The following FARP1 variants were observed in gnomAD, a reference collection of about 807,000 sequenced individuals.
The protein encoded by FARP1 is FERM, ARHGEF and pleckstrin domain-containing protein 1.
FARP1 carries 52 observed loss-of-function variants against 128.8 expected under a neutral mutation model. That is an observed-to-expected ratio of 0.40 (90% CI 0.32 to 0.51). The LOEUF (loss-of-function observed/expected upper bound fraction) is 0.51. Among genes scored for constraint, FARP1 ranks in the 20% least tolerant of loss-of-function variants. FARP1 has a pLI of 0.45. For synonymous variants in FARP1, 580 were observed against 551.8 expected (o/e 1.05, Z -0.72); for missense variants, 1,333 against 1,367.9 (o/e 0.97, Z 0.40).
At chr13:98,243,296 G>A (rs1460319244) in intron 2 of FARP1, among the ~76,000 whole-genome samples, 2 of 152,140 alleles carry the variant, frequency 1.3e-5, no homozygotes. Flanking sequence ...ATACCAAAGC[G>A]TGGTGCATTG....
At position 98,175,193 on chromosome 13, in the gene FARP1, TGA is replaced by T. The variant is rs369372128; in HGVS notation, c.-24+31704_-24+31705del. On this transcript the variant is annotated intron_variant, in intron 1 of 26. Coordinates refer to ENST00000319562, the MANE Select transcript of FARP1 (RefSeq NM_005766.4). The stretch of plus-strand genomic sequence containing the variant: ...GGAATTCACAGCCAAAGTTGATATA[TGA>T]GATAGGCTCTTATGAAAATTTACAT... 1.8e-4 allele frequency among the ~76,000 whole-genome samples: 27 copies of T among 152,314 alleles called. No individual in the cohort carries two copies. In the East Asian group the frequency reaches 4.6e-3, roughly 26 times the overall value.
rs557779534 is a variant in FARP1 at position 98,209,658 on chromosome 13, G to A, written c.-23-3562G>A. Among the ~76,000 whole-genome samples the A allele has an allele frequency of 4.2e-3, 633 of 150,868 alleles. 6 individuals carry two copies. Among genetic ancestry groups the A allele is most frequent in the African/African-American group, 0.015 (608 of 41,096 alleles). ...CTAAAAATACAACAATTAGCTGGGT[G>A]TGGTGGTGTGCGCCTGTGATCCCAG... On this transcript the variant is annotated intron_variant, in intron 1 of 26. Transcript: ENST00000319562.
At chr13:98,441,741 C>T (rs1423147880) in intron 24 of FARP1, among the ~76,000 whole-genome samples, 2 of 152,090 alleles carry the variant, frequency 1.3e-5, no homozygotes, top group Non-Finnish European at 2.9e-5. Context: ...TTTCAATGAC[C>T]CGCCTTAAGG....
At chr13:98,364,383 A>C (rs1309105224) in intron 3 of FARP1, among the ~76,000 whole-genome samples, 1 of 152,162 alleles carries the variant, frequency 6.6e-6, no homozygotes, top group Non-Finnish European at 1.5e-5. Context: ...ATGGAAATTT[A>C]ATGGGTGGAA....
intron 3 of FARP1, among the ~76,000 whole-genome samples, chr13:98,359,721 T>C (rs993832123): frequency 1.3e-5 from 2 of 152,242 alleles, no homozygotes; most frequent in Admixed American, 1.3e-4. Flanking sequence ...AGTAAGCGGT[T>C]GTGCAGGTTT....
At chr13:98,359,043 G>T (rs1213001797) in intron 3 of FARP1, among the ~76,000 whole-genome samples, 1 of 152,196 alleles carries the variant, frequency 6.6e-6, no homozygotes, top group East Asian at 1.9e-4. Flanking sequence ...TCCTATATGT[G>T]TTACAGTTGA....
chr13:98,294,334 A>C (rs1885570538), intron 2 of FARP1, among the ~76,000 whole-genome samples: 2 of 152,204 alleles, frequency 1.3e-5, no homozygotes, highest in African/African-American at 4.8e-5. Context: ...TTGATAAGAT[A>C]AGGGTTCAAC....
rs1302151925 is a variant in FARP1 at position 98,176,179 on chromosome 13, A to G, written c.-24+32687A>G. ...GAGTCTTTCTTATCTCTTTTTTCCT[A>G]AAAGAACAAAAAAATTTATTTAAAT... On this transcript the variant is annotated intron_variant, in intron 1 of 26. Coordinates refer to ENST00000319562, the MANE Select transcript of FARP1 (RefSeq NM_005766.4). This position sits in a 1 kb window ranked among gnomAD's most constrained non-coding sequence, Gnocchi z 6.2. The G allele has an allele frequency of 6.2e-6, 10 of 1,610,122 alleles. No homozygotes were observed. Among genetic ancestry groups the G allele is most frequent in the Non-Finnish European group, 7.6e-6 (9 of 1,176,950 alleles).
intron 2 of FARP1, among the ~76,000 whole-genome samples, chr13:98,247,301 T>G (rs570288247): frequency 6.6e-6 from 1 of 152,314 alleles, no homozygotes; most frequent in African/African-American, 2.4e-5. Flanking sequence ...CTACCAATAG[T>G]GTCACGCCCA....
chr13:98,308,029 C>CTTTTTT (rs1886253580), intron 2 of FARP1, among the ~76,000 whole-genome samples: 4 of 114,926 alleles, frequency 3.5e-5, no homozygotes, highest in African/African-American at 1.5e-4. Flanking sequence ...CCCCCACTCT[C>CTTTTTT]TCTCTTTTTT....
At position 98,452,766 on chromosome 13, in the gene FARP1, G is replaced by A. The variant is rs541941984; in HGVS notation, c.*4449G>A. 5.2e-5 allele frequency: 9 copies of A among 173,762 alleles called. No homozygotes were observed. The South Asian group carries it at 1.2e-3, about 24-fold the overall frequency. 10.8% of individuals were successfully genotyped at this position (173,762 alleles called of 1,614,324 possible). On this transcript the variant is annotated 3_prime_UTR_variant, in exon 27 of 27. Coordinates refer to ENST00000319562, the MANE Select transcript of FARP1 (RefSeq NM_005766.4). ...AATCTGTACACCCATCCACCAGAGC[G>A]ATTCTCCAGCTCCCAGAGGGAGTTA...
At chr13:98,387,478 T>C (rs1226451426) in intron 8 of FARP1, among the ~76,000 whole-genome samples, 2 of 152,244 alleles carry the variant, frequency 1.3e-5, no homozygotes, top group African/African-American at 4.8e-5. Context: ...GGTAATGTAG[T>C]CACGTGCAAA....
chr13:98,263,020 T>G (rs993326216), intron 2 of FARP1, among the ~76,000 whole-genome samples: 8 of 141,662 alleles, frequency 5.6e-5, no homozygotes, highest in African/African-American at 2.0e-4. Flanking sequence ...ATTATTATTG[T>G]TTTTTGGGAC....
chr13:98,192,521 C>G (rs116908791), intron 1 of FARP1, among the ~76,000 whole-genome samples: 2,079 of 152,178 alleles, frequency 0.014, 86 homozygotes, highest in East Asian at 0.13. Flanking sequence ...TTTCGAGTAG[C>G]TGGGATTACA....
At chr13:98,436,098 A>G in intron 19 of FARP1, 1 of 274,292 alleles carries the variant, frequency 3.6e-6, no homozygotes, top group Non-Finnish European at 7.4e-6. Context: ...TATGCTAGAA[A>G]TTCCCATGCA....
intron 2 of FARP1, among the ~76,000 whole-genome samples, chr13:98,279,607 C>T (rs929433432): frequency 8.5e-5 from 13 of 152,168 alleles, no homozygotes; most frequent in African/African-American, 2.7e-4. Flanking sequence ...GGCTAGTGCC[C>T]GCCCCAGTGG....
chr13:98,179,070 G>A (rs776731723), intron 1 of FARP1, among the ~76,000 whole-genome samples: 39 of 152,226 alleles, frequency 2.6e-4, no homozygotes, highest in Admixed American at 1.9e-3. Flanking sequence ...ATATTAGTCC[G>A]TTTTCACGCT....
rs557954348 is a variant in FARP1, at chr13:98,213,321, C to T, written c.79C>T (p.Arg27Cys). The T allele has an allele frequency of 2.0e-5, 33 of 1,614,148 alleles. No homozygotes were observed. The South Asian group carries it at 3.0e-4, about 15-fold the overall frequency. ...AAATTCGGGGATCAGTACCTTGGAA[C>T]GTGGACAGAAGCCGCCCCCAACACC... ...PENSGISTLE[R>C]GQKPPPTPSG... Residue 27 changes from arginine (R) to cysteine (C), a missense_variant, in exon 2 of 27, where the codon CGT becomes TGT. Coordinates refer to ENST00000319562, the MANE Select transcript of FARP1 (RefSeq NM_005766.4).
intron 2 of FARP1, among the ~76,000 whole-genome samples, chr13:98,232,148 T>TTTG (rs1162667008): frequency 5.0e-5 from 6 of 120,222 alleles, no homozygotes; most frequent in Non-Finnish European, 1.0e-4. Context: ...TTGGTTGGTT[T>TTTG]TTTTTTTTTT....
Sources: allele counts gnomAD v4.1 joint callset (sites outside exome capture counted in the v4.1 genomes callset), GRCh38; gene constraint gnomAD v4.1.1; non-coding constraint Gnocchi (gnomAD v3.1); transcripts MANE v1.5; gene names NCBI Gene and HGNC (gene_info 2026-07-23, HGNC 2026-07-21).